SLC7A11: variants seen among roughly 807,000 people sequenced by gnomAD.
SLC7A11 encodes cystine/glutamate transporter.
SLC7A11 carries 35 observed loss-of-function variants against 54.5 expected under a neutral mutation model. That is an observed-to-expected ratio of 0.64 (90% CI 0.49 to 0.85). The LOEUF (loss-of-function observed/expected upper bound fraction) is 0.85. SLC7A11 is among the 40% of genes least tolerant of loss of function. SLC7A11 has a pLI of 0.00. For missense variants in SLC7A11, 583 were observed against 618.1 expected (o/e 0.94, Z 0.60); for synonymous variants, 230 against 225.2 (o/e 1.02, Z -0.19).
At chr4:138,205,250 G>C (rs1737380166) in intron 6 of SLC7A11, among the ~76,000 whole-genome samples, 1 of 152,012 alleles carries the variant, frequency 6.6e-6, no homozygotes, top group Non-Finnish European at 1.5e-5. Context: ...CAAAGACTCA[G>C]CAAGTAGATG....
At chr4:138,213,568 T>C in intron 6 of SLC7A11, among the ~76,000 whole-genome samples, 1 of 141,362 alleles carries the variant, frequency 7.1e-6, no homozygotes, top group Non-Finnish European at 1.6e-5. Context: ...TCTCCTCCCA[T>C]ACCCCTCTTC....
At chr4:138,213,033 T>C (rs1737590186) in intron 6 of SLC7A11, among the ~76,000 whole-genome samples, 1 of 152,010 alleles carries the variant, frequency 6.6e-6, no homozygotes, top group Non-Finnish European at 1.5e-5. Flanking sequence ...CTTTTCTCTA[T>C]GCTGGTGCTT....
intron 1 of SLC7A11, among the ~76,000 whole-genome samples, chr4:138,240,421 G>C (rs116130250): frequency 0.033 from 5,056 of 151,910 alleles, 279 homozygotes; most frequent in African/African-American, 0.11. Context: ...CGAAAAATAA[G>C]CCCAACGTGG....
chr4:138,233,272 C>T (rs994828235), intron 2 of SLC7A11, among the ~76,000 whole-genome samples: 75 of 151,848 alleles, frequency 4.9e-4, no homozygotes, highest in African/African-American at 1.4e-3. Flanking sequence ...GCAACCTCCG[C>T]CTCCCGTGTT....
rs746704303 is a variant in SLC7A11, at chr4:138,242,019, C to T, written c.51G>A (p.Gln17=). Reference sequence around the variant, plus strand: ...AAGGCAGCCTCCCGTTAACATTTCCCTGCAGGTAACCTCCTTTGGAGATGG... The same window carrying T: ...AAGGCAGCCTCCCGTTAACATTTCCTTGCAGGTAACCTCCTTTGGAGATGG... The part of the protein sequence containing the change: ...VSTISKGGYL[Q]GNVNGRLPSL... The change falls in exon 1 of 12, where the codon CAG becomes CAA. Residue 17 remains glutamine, a synonymous_variant. Transcript: ENST00000280612. The T allele has an allele frequency of 6.4e-5, 103 of 1,614,040 alleles. No individual in the cohort carries two copies. The highest frequency in any genetic ancestry group is 8.5e-5 in the Non-Finnish European group (100 of 1,180,026).
At chr4:138,176,404 A>G (rs1159625297) in intron 11 of SLC7A11, 1 of 152,166 alleles carries the variant, frequency 6.6e-6, no homozygotes, top group African/African-American at 2.4e-5. Flanking sequence ...GGCTAACACT[A>G]AATTTGGAGG....
At position 138,185,259 on chromosome 4, in the gene SLC7A11, G is replaced by A; in HGVS notation, c.792-15C>T. On this transcript the variant is annotated splice_polypyrimidine_tract_variant and intron_variant, in intron 6 of 11. Transcript: ENST00000280612. ...GGGGAATGGTTCTGAAATGCACAAA[G>A]GAATCACTTATTCATTATCTTTTGT... The A allele has an allele frequency of 6.2e-7, 1 of 1,611,204 alleles. No homozygotes were observed. Among genetic ancestry groups the A allele is most frequent in the Non-Finnish European group, 8.5e-7 (1 of 1,177,948 alleles).
At chr4:138,195,122 G>A (rs1737099638) in intron 6 of SLC7A11, among the ~76,000 whole-genome samples, 1 of 152,138 alleles carries the variant, frequency 6.6e-6, no homozygotes, top group Non-Finnish European at 1.5e-5. Flanking sequence ...CAGCCTGGCT[G>A]AAAAATAATG....
intron 2 of SLC7A11, among the ~76,000 whole-genome samples, 176 bp downstream of exon 2, chr4:138,236,149 C>T (rs912086775): frequency 2.0e-5 from 3 of 152,108 alleles, no homozygotes; most frequent in Non-Finnish European, 4.4e-5. Context: ...GATAAAATTG[C>T]ATTAAAAATA....
intron 6 of SLC7A11, among the ~76,000 whole-genome samples, chr4:138,199,288 T>TA (rs1374186245): frequency 2.6e-5 from 4 of 151,836 alleles, no homozygotes; most frequent in Non-Finnish European, 4.4e-5. Flanking sequence ...AATTTCATCA[T>TA]ATTTTTTTGG....
chr4:138,229,339 T>A (rs534118881), intron 3 of SLC7A11, among the ~76,000 whole-genome samples: 1 of 152,312 alleles, frequency 6.6e-6, no homozygotes, highest in African/African-American at 2.4e-5. Context: ...AGCTAAATTT[T>A]TCTTACAGAC....
At chr4:138,207,814 C>T (rs1737443886) in intron 6 of SLC7A11, among the ~76,000 whole-genome samples, 2 of 152,138 alleles carry the variant, frequency 1.3e-5, no homozygotes, top group Non-Finnish European at 2.9e-5. Flanking sequence ...TTTGCTACAA[C>T]ACATTTGGGC....
intron 5 of SLC7A11, among the ~76,000 whole-genome samples, chr4:138,216,325 G>A (rs1271356692): frequency 2.6e-5 from 4 of 152,072 alleles, no homozygotes; most frequent in Non-Finnish European, 5.9e-5. Context: ...AATCCATAGA[G>A]GGGGATAGGA....
chr4:138,208,419 A>G (rs1385593610), intron 6 of SLC7A11, among the ~76,000 whole-genome samples: 1 of 152,098 alleles, frequency 6.6e-6, no homozygotes, highest in Non-Finnish European at 1.5e-5. Flanking sequence ...GCTTTCATCA[A>G]CACAAGATAT....
intron 6 of SLC7A11, among the ~76,000 whole-genome samples, chr4:138,203,529 T>C (rs1204821241): frequency 6.6e-6 from 1 of 152,184 alleles, no homozygotes. Context: ...AGCAGTTTAA[T>C]CCATATCTTT....
At chr4:138,237,788 T>C (rs1324229770) in intron 1 of SLC7A11, among the ~76,000 whole-genome samples, 5 of 113,916 alleles carry the variant, frequency 4.4e-5, no homozygotes, top group African/African-American at 1.8e-4. Flanking sequence ...TCTCACTCTG[T>C]CCCCCCAGGC....
intron 6 of SLC7A11, among the ~76,000 whole-genome samples, chr4:138,208,101 A>G (rs6537244): frequency 0.41 from 61,986 of 151,954 alleles, 13,560 homozygotes; most frequent in Middle Eastern, 0.61. Flanking sequence ...CGAGGTTTTC[A>G]TTGGTACAAG....
Position 138,164,736 on chromosome 4 carries a change from C to T in SLC7A11, c.*7220G>A, listed in dbSNP as rs1407325350. The T allele has an allele frequency of 1.3e-5, 2 of 152,004 alleles. No homozygotes were observed. Among genetic ancestry groups the T allele is most frequent in the South Asian group, 2.1e-4 (1 of 4,822 alleles). 9.4% of individuals were successfully genotyped at this position (152,004 alleles called of 1,614,324 possible). ...GAAGAAACTCTGCTTGAGTTGAGGA[C>T]CAGTTAGTTAGGATATTGAGGATCA... On this transcript the variant is annotated 3_prime_UTR_variant, in exon 12 of 12. Coordinates refer to ENST00000280612, the MANE Select transcript of SLC7A11 (RefSeq NM_014331.4).
At position 138,205,183 on chromosome 4, in the gene SLC7A11, C is replaced by T. The variant is rs1737378762; in HGVS notation, c.791+9402G>A. ...ATTTAGAGGTCTCTCCAAGGTCAAA[C>T]AGCTAGTTAAAAAGAGACAGGATTA... On this transcript the variant is annotated intron_variant, in intron 6 of 11. Transcript: ENST00000280612. 3.3e-5 allele frequency among the ~76,000 whole-genome samples: 5 copies of T among 151,982 alleles called. No individual in the cohort carries two copies. In the South Asian group the frequency reaches 1.0e-3, roughly 31 times the overall value.
Sources: allele counts gnomAD v4.1 joint callset (sites outside exome capture counted in the v4.1 genomes callset), GRCh38; gene constraint gnomAD v4.1.1; transcripts MANE v1.5; gene names NCBI Gene and HGNC (gene_info 2026-07-23, HGNC 2026-07-21).